LRRC7: variants seen among roughly 807,000 people sequenced by gnomAD.
The protein encoded by LRRC7 is leucine-rich repeat-containing protein 7.
In LRRC7, 23 loss-of-function variants were observed where a neutral mutation model predicts 175.7. The observed-to-expected ratio is 0.13, with a 90% CI of 0.09 to 0.19. The LOEUF (loss-of-function observed/expected upper bound fraction) is 0.19, where lower values mean the gene tolerates loss of function less well. Among genes scored for constraint, LRRC7 ranks in the 10% least tolerant of loss-of-function variants. LRRC7 has a pLI of 1.00. For synonymous variants in LRRC7, 685 were observed against 680.9 expected, an observed-to-expected ratio of 1.01 and a Z score of -0.09; for missense variants, 1,354 against 1,904.7, an observed-to-expected ratio of 0.71 and a Z score of 5.38.
intron 2 of LRRC7, among the ~76,000 whole-genome samples, chr1:69,754,129 C>T (rs922599062): frequency 2.6e-5 from 4 of 151,944 alleles, no homozygotes; most frequent in Non-Finnish European, 4.4e-5. Context: ...GAGACCATAT[C>T]GTACTTGGTA....
intron 8 of LRRC7, among the ~76,000 whole-genome samples, chr1:69,943,034 C>T (rs1204366949): frequency 1.3e-5 from 2 of 151,980 alleles, no homozygotes; most frequent in African/African-American, 4.8e-5. Context: ...ATATGTGGCC[C>T]AAGACAATTG....
chr1:69,916,142 T>TATATATTATATACATATTTTATATATATA lies in LRRC7; in HGVS notation c.648-15359_648-15358insTATATACATATTTTATATATATAATATAT, dbSNP rs1557884502. Among the ~76,000 whole-genome samples the TATATATTATATACATATTTTATATATATA allele has an allele frequency of 9.9e-3, 92 of 9,314 alleles. 1 individual carries two copies. The highest frequency in any genetic ancestry group is 0.12 in the Middle Eastern group (1 of 8). The allele number at this position is 9,314 out of a possible 152,430, so 6.1% of individuals were successfully genotyped here. A position where few individuals can be genotyped will look rare whatever the true frequency, so the allele number is the denominator to read the frequency against. ...TTATATACATATTTTATATATATAA[T>TATATATTATATACATATTTTATATATATA]ATATATATTATATACATATTTTATA... On this transcript the variant is annotated intron_variant, in intron 7 of 26. Transcript: ENST00000651989.
intron 4 of LRRC7, among the ~76,000 whole-genome samples, chr1:69,799,283 G>T (rs77133744): frequency 0.032 from 4,790 of 151,908 alleles, 251 homozygotes; most frequent in African/African-American, 0.11. Flanking sequence ...GGTAAATTCT[G>T]GGCTTTTAGT....
intron 1 of LRRC7, among the ~76,000 whole-genome samples, chr1:69,612,419 G>T (rs574726326): frequency 1.3e-5 from 2 of 151,900 alleles, no homozygotes; most frequent in Non-Finnish European, 2.9e-5. Context: ...AGACAATTAG[G>T]TTACTGGACA....
intron 1 of LRRC7, among the ~76,000 whole-genome samples, chr1:69,669,700 ATTTGCCCGT>A (rs1196436142): frequency 1.3e-5 from 2 of 151,928 alleles, no homozygotes; most frequent in Non-Finnish European, 2.9e-5. Flanking sequence ...TAAGTTTTAG[ATTTGCCCGT>A]TTGAGGCTAT....
In LRRC7 at chr1:69,912,434, T is replaced by A. The variant is rs147406868; in HGVS notation, c.648-19073T>A. On this transcript the variant is annotated intron_variant, in intron 7 of 26. Transcript: ENST00000651989. ...TCTCTTCATAAGCATATAATATAGGTTGCAATATGTTCTAATGAAAATGGG... is the reference window on the plus strand; with the variant it reads ...TCTCTTCATAAGCATATAATATAGGATGCAATATGTTCTAATGAAAATGGG... Among the ~76,000 whole-genome samples, 793 of 152,314 alleles carry A rather than the reference T, an allele frequency of 5.2e-3. 2 individuals carry two copies. The highest frequency in any genetic ancestry group is 8.8e-3 in the Non-Finnish European group (599 of 68,032).
At chr1:69,630,587 A>G (rs1441552071) in intron 1 of LRRC7, among the ~76,000 whole-genome samples, 3 of 151,636 alleles carry the variant, frequency 2.0e-5, no homozygotes, top group South Asian at 4.2e-4. Flanking sequence ...TTAATTGTAC[A>G]TGCTTTTGAT....
At chr1:70,048,761 T>A (rs1374064592) in intron 22 of LRRC7, among the ~76,000 whole-genome samples, 1 of 152,152 alleles carries the variant, frequency 6.6e-6, no homozygotes, top group Non-Finnish European at 1.5e-5. Flanking sequence ...AGTAATTATC[T>A]TGTGCTTTTT....
intron 7 of LRRC7, among the ~76,000 whole-genome samples, chr1:69,850,079 T>A (rs1009504938): frequency 2.6e-5 from 4 of 152,050 alleles, no homozygotes; most frequent in Admixed American, 2.0e-4. Flanking sequence ...GGGTTGGTTT[T>A]TTTGTCGTTG....
intron 2 of LRRC7, among the ~76,000 whole-genome samples, chr1:69,746,669 AAGAC>A (rs1403457897): frequency 2.0e-5 from 3 of 152,078 alleles, no homozygotes; most frequent in African/African-American, 7.2e-5. Context: ...GTACAAATAA[AAGAC>A]AGTCTGTGGT....
At chr1:69,716,337 T>C (rs1389482207) in intron 2 of LRRC7, 1 of 402,982 alleles carries the variant, frequency 2.5e-6, no homozygotes, top group East Asian at 3.6e-5. Flanking sequence ...GCAGTTTTCA[T>C]GTTAACCTAT....
intron 7 of LRRC7, among the ~76,000 whole-genome samples, chr1:69,853,261 C>CCTTTCTTT (rs373524636): frequency 8.2e-6 from 1 of 121,356 alleles, no homozygotes; most frequent in Admixed American, 9.5e-5. Flanking sequence ...TTCTCTTTTT[C>CCTTTCTTT]CTTTCTTTCT....
chr1:69,644,549 A>G lies in LRRC7; in HGVS notation c.3-33832A>G, dbSNP rs552726959. 6.6e-5 allele frequency among the ~76,000 whole-genome samples: 10 copies of G among 152,152 alleles called. No individual in the cohort carries two copies. In the East Asian group the frequency reaches 1.9e-3, roughly 29 times the overall value. On this transcript the variant is annotated intron_variant, in intron 1 of 26. Transcript: ENST00000651989. The stretch of plus-strand genomic sequence containing the variant: ...TTTTCAGTGTACTTCTTGTAAACAG[A>G]TAAAATTAGTTCTTGCTTTTTTAAC...
chr1:69,586,371 C>T (rs1646403018), intron 1 of LRRC7, among the ~76,000 whole-genome samples: 1 of 152,056 alleles, frequency 6.6e-6, no homozygotes. Flanking sequence ...AAAAAATTCT[C>T]ATTTTGGCAG....
chr1:69,675,602 T>G (rs1009262739), intron 1 of LRRC7, among the ~76,000 whole-genome samples: 10 of 152,150 alleles, frequency 6.6e-5, no homozygotes, highest in Non-Finnish European at 2.9e-5. Flanking sequence ...AGTGAATAAT[T>G]ATAAGCTCAC....
intron 25 of LRRC7, among the ~76,000 whole-genome samples, chr1:70,091,622 C>T (rs969573923): frequency 5.3e-5 from 8 of 152,134 alleles, no homozygotes; most frequent in African/African-American, 1.9e-4. Context: ...GAGACTAGAT[C>T]TCAGGCTTTC....
intron 23 of LRRC7, among the ~76,000 whole-genome samples, chr1:70,053,688 A>G (rs1204325162): frequency 1.3e-5 from 2 of 152,176 alleles, no homozygotes; most frequent in African/African-American, 2.4e-5. Context: ...ATAATATTAC[A>G]TAACAGATCC....
intron 1 of LRRC7, among the ~76,000 whole-genome samples, chr1:69,673,626 T>A (rs1015047699): frequency 1.8e-4 from 28 of 152,066 alleles, no homozygotes; most frequent in Non-Finnish European, 3.5e-4. Context: ...GGTGAAAGAG[T>A]TCAAGTAACC....
At chr1:70,026,052 G>A (rs968453276) in intron 17 of LRRC7, among the ~76,000 whole-genome samples, 2 of 152,020 alleles carry the variant, frequency 1.3e-5, no homozygotes, top group African/African-American at 2.4e-5. Context: ...GAAAATATTA[G>A]TACCATGCCA....
Sources: allele counts gnomAD v4.1 joint callset (sites outside exome capture counted in the v4.1 genomes callset), GRCh38; gene constraint gnomAD v4.1.1; transcripts MANE v1.5; gene names NCBI Gene and HGNC (gene_info 2026-07-23, HGNC 2026-07-21).